RORA: variants seen among roughly 807,000 people sequenced by gnomAD.
RORA encodes nuclear receptor ROR-alpha.
In RORA, 7 loss-of-function variants were observed where a neutral mutation model predicts 69.5. That is an observed-to-expected ratio of 0.10 (90% CI 0.06 to 0.19). RORA has a LOEUF of 0.19. Among genes scored for constraint, RORA ranks in the 10% least tolerant of loss-of-function variants. The pLI is 1.00. For missense variants in RORA, 457 were observed against 663.0 expected, an observed-to-expected ratio of 0.69 and a Z score of 3.41; for synonymous variants, 261 against 240.8, an observed-to-expected ratio of 1.08 and a Z score of -0.78.
intron 2 of RORA, chr15:60,627,165 T>C (rs2069605114): frequency 2.3e-6 from 3 of 1,318,790 alleles, no homozygotes; most frequent in Non-Finnish European, 3.3e-6. Flanking sequence ...AAGCCAGACA[T>C]TGGGTTGTGG....
At chr15:60,769,915 T>A (rs2072048606) in intron 1 of RORA, among the ~76,000 whole-genome samples, 1 of 152,234 alleles carries the variant, frequency 6.6e-6, no homozygotes, top group Non-Finnish European at 1.5e-5. Context: ...TACTAAATTA[T>A]GCTCTATTAT....
intron 2 of RORA, among the ~76,000 whole-genome samples, chr15:60,610,488 G>A (rs2069060489): frequency 6.6e-6 from 1 of 152,192 alleles, no homozygotes; most frequent in Non-Finnish European, 1.5e-5. Flanking sequence ...TCAGCAGGAA[G>A]CGGGCTGTGG....
chr15:61,072,472 T>C (rs1351134876), intron 1 of RORA, among the ~76,000 whole-genome samples: 1 of 152,250 alleles, frequency 6.6e-6, no homozygotes, highest in Non-Finnish European at 1.5e-5. Flanking sequence ...TAACTCTAAA[T>C]GCTGAATGGA....
intron 1 of RORA, among the ~76,000 whole-genome samples, chr15:60,807,713 G>A (rs2072679129): frequency 6.6e-6 from 1 of 151,980 alleles, no homozygotes; most frequent in African/African-American, 2.4e-5. Flanking sequence ...GCATGATCTT[G>A]GTATAAAAAT....
intron 1 of RORA, among the ~76,000 whole-genome samples, chr15:60,888,614 C>T (rs2073777924): frequency 6.6e-6 from 1 of 152,136 alleles, no homozygotes; most frequent in Non-Finnish European, 1.5e-5. Context: ...GCCGTCTGGC[C>T]CGCCCTACAC....
chr15:60,515,483 A>G (rs1351543060), intron 3 of RORA, among the ~76,000 whole-genome samples: 1 of 152,182 alleles, frequency 6.6e-6, no homozygotes, highest in Non-Finnish European at 1.5e-5. Flanking sequence ...ACAAAGATGT[A>G]TAAGGAGCTA....
At chr15:60,983,881 G>A (rs186468488) in intron 1 of RORA, among the ~76,000 whole-genome samples, 11 of 152,178 alleles carry the variant, frequency 7.2e-5, no homozygotes, top group Non-Finnish European at 1.3e-4. Context: ...TGTACCTTGG[G>A]CCATGGTCAT....
intron 1 of RORA, among the ~76,000 whole-genome samples, chr15:61,077,391 C>T (rs2078468675): frequency 6.6e-6 from 1 of 152,170 alleles, no homozygotes; most frequent in Admixed American, 6.5e-5. Context: ...TTGCCATTTA[C>T]CTTGAAAGAC....
At chr15:61,018,485 G>A (rs1895382623) in intron 1 of RORA, among the ~76,000 whole-genome samples, 1 of 152,194 alleles carries the variant, frequency 6.6e-6, no homozygotes, top group Non-Finnish European at 1.5e-5. Context: ...TTGTGAGGGC[G>A]TGTGGGAGCG....
chr15:60,793,459 A>G (rs757590225), intron 1 of RORA, among the ~76,000 whole-genome samples: 5 of 152,246 alleles, frequency 3.3e-5, no homozygotes, highest in African/African-American at 4.8e-5. Context: ...GCAATGCCCA[A>G]TGCAGACAGA....
chr15:60,955,440 T>C (rs1893239310), intron 1 of RORA, among the ~76,000 whole-genome samples: 1 of 152,214 alleles, frequency 6.6e-6, no homozygotes, highest in African/African-American at 2.4e-5. Flanking sequence ...CATTATATAG[T>C]AAGTACTCAA....
rs71429587 is a variant in RORA at position 61,054,316 on chromosome 15, GAA to G, written c.166+174735_166+174736del. ...CATTTGAAAAGAACTTTCATTTTCTGAAAAAAAAAAAAAATGTTCTCCCATAG... is the reference window on the plus strand; with the variant it reads ...CATTTGAAAAGAACTTTCATTTTCTGAAAAAAAAAAAATGTTCTCCCATAG... On this transcript the variant is annotated intron_variant, in intron 1 of 10. Coordinates refer to ENST00000335670, the MANE Select transcript of RORA (RefSeq NM_134261.3). Among the ~76,000 whole-genome samples the G allele has an allele frequency of 2.2e-3, 316 of 144,714 alleles. 1 individual carries two copies. Among genetic ancestry groups the G allele is most frequent in the African/African-American group, 7.2e-3 (276 of 38,540 alleles). The allele number at this position is 144,714 out of a possible 152,430, so 94.9% of individuals were successfully genotyped here.
At chr15:60,592,953 C>A (rs1418342268) in intron 2 of RORA, 1 of 455,032 alleles carries the variant, frequency 2.2e-6, no homozygotes, top group Non-Finnish European at 4.4e-6. Flanking sequence ...GCGATAAATG[C>A]GCCAGCTCGT....
intron 1 of RORA, among the ~76,000 whole-genome samples, chr15:60,934,906 G>A (rs1892477372): frequency 6.6e-6 from 1 of 152,162 alleles, no homozygotes; most frequent in Non-Finnish European, 1.5e-5. Flanking sequence ...CCTGTTCCTT[G>A]CCTATAAAAT....
chr15:61,204,929 C>G (rs1286558818), intron 1 of RORA, among the ~76,000 whole-genome samples: 1 of 152,210 alleles, frequency 6.6e-6, no homozygotes, highest in Non-Finnish European at 1.5e-5. Flanking sequence ...GAATATGTCC[C>G]CAGCTCCAGC....
intron 1 of RORA, among the ~76,000 whole-genome samples, chr15:61,179,351 C>T (rs1397576937): frequency 1.3e-5 from 2 of 152,122 alleles, no homozygotes; most frequent in Non-Finnish European, 2.9e-5. Flanking sequence ...GCTGGGAATC[C>T]AGCTGTTTTC....
At chr15:60,872,677 T>C (rs957341314) in intron 1 of RORA, among the ~76,000 whole-genome samples, 1 of 152,192 alleles carries the variant, frequency 6.6e-6, no homozygotes, top group Non-Finnish European at 1.5e-5. Flanking sequence ...CACTTGTTGA[T>C]TTGTCATTCC....
chr15:60,653,288 C>T lies in RORA; in HGVS notation c.196+25369G>A, dbSNP rs1481712636. Among the ~76,000 whole-genome samples the T allele has an allele frequency of 2.1e-5, 3 of 141,788 alleles. No homozygotes were observed. In the Admixed American group the frequency reaches 2.2e-4, roughly 10 times the overall value. The allele number at this position is 141,788 out of a possible 152,430, so 93.0% of individuals were successfully genotyped here. On this transcript the variant is annotated intron_variant, in intron 2 of 10. Coordinates refer to ENST00000335670, the MANE Select transcript of RORA (RefSeq NM_134261.3). Reference sequence around the variant, plus strand: ...AGGTCGTCCTTTGGCATAATGTGTACAGGTGCATGCGTGTGTGTGTGTGTG... The same window carrying T: ...AGGTCGTCCTTTGGCATAATGTGTATAGGTGCATGCGTGTGTGTGTGTGTG...
At chr15:60,746,943 A>T (rs2071657233) in intron 1 of RORA, among the ~76,000 whole-genome samples, 1 of 152,230 alleles carries the variant, frequency 6.6e-6, no homozygotes, top group South Asian at 2.1e-4. Context: ...TGAATAAAAT[A>T]GTGAGTAGAA....
Sources: allele counts gnomAD v4.1 joint callset (sites outside exome capture counted in the v4.1 genomes callset), GRCh38; gene constraint gnomAD v4.1.1; transcripts MANE v1.5; gene names NCBI Gene and HGNC (gene_info 2026-07-23, HGNC 2026-07-21).